CDH18: variants seen among roughly 807,000 people sequenced by gnomAD.
CDH18 encodes cadherin 18.
CDH18 carries 31 observed loss-of-function variants against 67.9 expected under a neutral mutation model. That is an observed-to-expected ratio of 0.46 (90% CI 0.34 to 0.62). The LOEUF (loss-of-function observed/expected upper bound fraction) is 0.62, where lower values mean the gene tolerates loss of function less well. CDH18 is among the 20% of genes least tolerant of loss of function. The probability of loss-of-function intolerance (pLI) is 0.01; values close to 1 mark genes in which losing one functional copy is unlikely to be tolerated. For synonymous variants in CDH18, 362 were observed against 347.2 expected (o/e 1.04, Z -0.48); for missense variants, 890 against 975.5 (o/e 0.91, Z 1.17).
chr5:19,584,859 G>A (rs1329133560), intron 7 of CDH18, among the ~76,000 whole-genome samples: 1 of 150,840 alleles, frequency 6.6e-6, no homozygotes, highest in African/African-American at 2.4e-5. Context: ...GCCAGGCTTG[G>A]TGGTGCTCAC....
chr5:19,472,842 A>G lies in CDH18; in HGVS notation c.*384T>C, dbSNP rs551786097. On this transcript the variant is annotated 3_prime_UTR_variant, in exon 13 of 13. Transcript: ENST00000382275. The stretch of plus-strand genomic sequence containing the variant: ...TTCCTGTATTAGTGTTACCACCCCT[A>G]TAAGTCATAACCACCAGTGATCTTG... 7 of 178,466 alleles carry G rather than the reference A, an allele frequency of 3.9e-5. No individual in the cohort carries two copies. Among genetic ancestry groups the G allele is most frequent in the Admixed American group, 2.7e-4 (5 of 18,430 alleles). The allele number at this position is 178,466 out of a possible 1,614,324, so 11.1% of individuals were successfully genotyped here.
intron 11 of CDH18, among the ~76,000 whole-genome samples, chr5:19,499,605 C>G (rs1003674461): frequency 4.6e-5 from 7 of 151,710 alleles, no homozygotes; most frequent in Admixed American, 4.6e-4. Flanking sequence ...TTTGTCTAAC[C>G]AATTTTTTTA....
rs545539273 is a variant in CDH18, at chr5:20,550,799, C to T, written c.-580+24663G>A. 2.6e-5 allele frequency among the ~76,000 whole-genome samples: 4 copies of T among 152,212 alleles called. No homozygotes were observed. The East Asian group carries it at 7.8e-4, about 30-fold the overall frequency. On this transcript the variant is annotated intron_variant, in intron 1 of 14. Transcript: ENST00000507958. ...TATTTAAAAAAGAGGTTTATTTTGG[C>T]TCGTGGTTCTGAAGGACATACAAGC... is the stretch of plus-strand genomic sequence containing the variant.
At chr5:20,237,105 C>T (rs778445239) in intron 2 of CDH18, among the ~76,000 whole-genome samples, 5 of 151,850 alleles carry the variant, frequency 3.3e-5, no homozygotes, top group Non-Finnish European at 7.4e-5. Flanking sequence ...TATAAAGGGG[C>T]TTTAATAAAA....
At chr5:19,656,228 A>C (rs1412281568) in intron 5 of CDH18, among the ~76,000 whole-genome samples, 1 of 152,074 alleles carries the variant, frequency 6.6e-6, no homozygotes, top group Non-Finnish European at 1.5e-5. Flanking sequence ...AATGACTGCC[A>C]GGATATCATA....
At chr5:19,700,484 T>C (rs1763099370) in intron 5 of CDH18, among the ~76,000 whole-genome samples, 1 of 152,188 alleles carries the variant, frequency 6.6e-6, no homozygotes, top group Admixed American at 6.5e-5. Context: ...ATAGAGAGAT[T>C]TCATTTTTGT....
chr5:20,273,301 G>T (rs1476625757), intron 1 of CDH18, among the ~76,000 whole-genome samples: 1 of 151,834 alleles, frequency 6.6e-6, no homozygotes, highest in African/African-American at 2.4e-5. Context: ...TGTTCTTGTG[G>T]GTTTGTTATA....
intron 2 of CDH18, among the ~76,000 whole-genome samples, chr5:20,241,548 T>C (rs1224349961): frequency 1.3e-5 from 2 of 152,012 alleles, no homozygotes; most frequent in African/African-American, 2.4e-5. Context: ...GATGAATATA[T>C]ATGTATTAAG....
At chr5:20,351,185 TGTGTGTGC>T (rs1741147548) in intron 1 of CDH18, among the ~76,000 whole-genome samples, 2 of 144,198 alleles carry the variant, frequency 1.4e-5, no homozygotes, top group South Asian at 2.4e-4. Flanking sequence ...TGTGTGTGTG[TGTGTGTGC>T]GTGTGTGTTA....
intron 2 of CDH18, among the ~76,000 whole-genome samples, chr5:20,082,100 A>T (rs1038435550): frequency 2.6e-5 from 4 of 152,142 alleles, no homozygotes; most frequent in African/African-American, 9.7e-5. Context: ...AAACTACAAT[A>T]ATTTGGAAAA....
At chr5:19,821,127 CATAGG>C (rs1779825140) in intron 3 of CDH18, among the ~76,000 whole-genome samples, 1 of 152,094 alleles carries the variant, frequency 6.6e-6, no homozygotes, top group Non-Finnish European at 1.5e-5. Flanking sequence ...AAGTGACAGA[CATAGG>C]ATTCAGAGTT....
chr5:20,255,792 A>G (rs1376252027), intron 1 of CDH18, among the ~76,000 whole-genome samples: 4 of 152,094 alleles, frequency 2.6e-5, no homozygotes, highest in Non-Finnish European at 4.4e-5. Flanking sequence ...GTCACGACAT[A>G]AAGAAGTTTT....
At chr5:20,372,097 G>A (rs929350169) in intron 1 of CDH18, among the ~76,000 whole-genome samples, 1 of 152,090 alleles carries the variant, frequency 6.6e-6, no homozygotes, top group Admixed American at 6.6e-5. Flanking sequence ...GAACGAAATG[G>A]GTATCAGCTG....
intron 2 of CDH18, among the ~76,000 whole-genome samples, chr5:20,183,717 C>T (rs1737874865): frequency 6.6e-6 from 1 of 152,046 alleles, no homozygotes; most frequent in African/African-American, 2.4e-5. Context: ...TTTAACTAGA[C>T]TTTTAGCTCC....
chr5:19,814,004 C>T (rs550729211), intron 3 of CDH18, among the ~76,000 whole-genome samples: 7 of 151,418 alleles, frequency 4.6e-5, no homozygotes, highest in African/African-American at 1.2e-4. Flanking sequence ...ATCCAGAAGA[C>T]GTAACAACCT....
intron 2 of CDH18, among the ~76,000 whole-genome samples, chr5:19,870,884 T>C (rs1454459654): frequency 6.6e-6 from 1 of 152,212 alleles, no homozygotes; most frequent in Admixed American, 6.6e-5. Flanking sequence ...TCATTGTGAA[T>C]TCAGTCATCT....
chr5:19,921,899 G>T (rs1235916797), intron 2 of CDH18, among the ~76,000 whole-genome samples: 1 of 151,098 alleles, frequency 6.6e-6, no homozygotes, highest in Non-Finnish European at 1.5e-5. Flanking sequence ...ATAACCAAAG[G>T]CTAACTCGAT....
At chr5:20,402,530 A>T (rs1358648062) in intron 1 of CDH18, among the ~76,000 whole-genome samples, 1 of 152,250 alleles carries the variant, frequency 6.6e-6, no homozygotes, top group Non-Finnish European at 1.5e-5. Context: ...AGATAGAAAT[A>T]AATTGGGTCA....
chr5:19,528,438 T>C (rs1426587919), intron 9 of CDH18, among the ~76,000 whole-genome samples: 1 of 151,512 alleles, frequency 6.6e-6, no homozygotes, highest in Non-Finnish European at 1.5e-5. Context: ...AGAATCAACA[T>C]CAAAAATAAT....
Sources: gnomAD v4.1 joint callset for allele counts (sites outside exome capture counted in the v4.1 genomes callset) on GRCh38, gnomAD v4.1.1 for gene constraint, MANE v1.5 for transcripts, NCBI Gene and HGNC (gene_info 2026-07-23, HGNC 2026-07-21) for gene names.